Variants in INPP5A observed in about 807,000 individuals in gnomAD.
The protein encoded by INPP5A is inositol polyphosphate-5-phosphatase A, also known as 43 kDa inositol polyphosphate 5-phophatase.
Under a neutral mutation model 65.2 loss-of-function variants are expected in INPP5A, and 14 were observed. The observed-to-expected ratio is 0.21, with a 90% CI of 0.14 to 0.34. The LOEUF (loss-of-function observed/expected upper bound fraction) is 0.34, where lower values mean the gene tolerates loss of function less well. Ranked by LOEUF, INPP5A falls within the 10% of genes least tolerant of loss-of-function variation. INPP5A has a pLI of 1.00. For missense variants in INPP5A, 431 were observed against 545.6 expected, an observed-to-expected ratio of 0.79 and a Z score of 2.09; for synonymous variants, 207 against 208.3, an observed-to-expected ratio of 0.99 and a Z score of 0.05.
At position 132,651,094 on chromosome 10, in the gene INPP5A, C is replaced by T. The variant is rs538264130; in HGVS notation, c.306+589C>T. ...GTGGCCCTGGTGGACGTGGCAGCCA[C>T]AGAGATACAGGCACCAGGTGTCTGG... On this transcript the variant is annotated intron_variant, in intron 4 of 15. Coordinates refer to ENST00000368594, the MANE Select transcript of INPP5A (RefSeq NM_005539.5). This position sits in a 1 kb window ranked among gnomAD's most constrained non-coding sequence, Gnocchi z 5.0. Among the ~76,000 whole-genome samples, 171 of 152,278 alleles carry T rather than the reference C, an allele frequency of 1.1e-3. No homozygotes were observed. The highest frequency in any genetic ancestry group is 3.9e-3 in the African/African-American group (163 of 41,558).
At chr10:132,759,174 C>T (rs545788898) in intron 11 of INPP5A, among the ~76,000 whole-genome samples, 21 of 152,352 alleles carry the variant, frequency 1.4e-4, no homozygotes, top group African/African-American at 2.6e-4. Context: ...CCCGTCCACA[C>T]GCTCAGAGCC....
At chr10:132,596,848 C>A (rs1186939232) in intron 1 of INPP5A, among the ~76,000 whole-genome samples, 1 of 132,026 alleles carries the variant, frequency 7.6e-6, no homozygotes, top group Non-Finnish European at 1.7e-5. Context: ...TGTGTGCATG[C>A]GTGTGTGTGC....
chr10:132,641,169 C>T (rs1431552776), intron 2 of INPP5A, among the ~76,000 whole-genome samples: 1 of 152,098 alleles, frequency 6.6e-6, no homozygotes, highest in Admixed American at 6.5e-5. Context: ...GGACTGTGTC[C>T]CCTGTGCTTT....
chr10:132,672,944 G>A (rs1358497150), intron 4 of INPP5A, among the ~76,000 whole-genome samples: 1 of 152,188 alleles, frequency 6.6e-6, no homozygotes, highest in African/African-American at 2.4e-5. Context: ...CATTCCTGAG[G>A]GGTCTGGGTC....
At chr10:132,614,977 C>T (rs1180308468) in intron 2 of INPP5A, among the ~76,000 whole-genome samples, 4 of 152,220 alleles carry the variant, frequency 2.6e-5, no homozygotes, top group South Asian at 2.1e-4. Context: ...CCGCAGGCTG[C>T]GGTGTTTTGT....
At chr10:132,744,159 C>G (rs193222974) in intron 9 of INPP5A, among the ~76,000 whole-genome samples, 1 of 152,354 alleles carries the variant, frequency 6.6e-6, no homozygotes, top group African/African-American at 2.4e-5. Flanking sequence ...GGCTGGGAGT[C>G]GTAGCCTCAA....
At chr10:132,684,768 CAGAG>C (rs1214454968) in intron 4 of INPP5A, among the ~76,000 whole-genome samples, 2 of 152,222 alleles carry the variant, frequency 1.3e-5, no homozygotes, top group African/African-American at 4.8e-5. Flanking sequence ...GCTTTGTTCT[CAGAG>C]AGCACAGATG....
intron 1 of INPP5A, among the ~76,000 whole-genome samples, chr10:132,554,088 A>G (rs2071092052): frequency 6.6e-6 from 1 of 151,778 alleles, no homozygotes; most frequent in South Asian, 2.1e-4. Context: ...ACCTTCTCAG[A>G]GCCTTGGTGG....
In INPP5A at chr10:132,546,453, C is replaced by T. The variant is rs1458246834; in HGVS notation, c.75+8282C>T. Among the ~76,000 whole-genome samples the T allele has an allele frequency of 6.6e-6, 1 of 151,966 alleles. No homozygotes were observed. Among genetic ancestry groups the T allele is most frequent in the Non-Finnish European group, 1.5e-5 (1 of 67,982 alleles). ...GTCTCGGTGACCTTGAGCCGGTTGT[C>T]TTCTTGATCCTTCTCTCCGACAGGA... On this transcript the variant is annotated intron_variant, in intron 1 of 15. Transcript: ENST00000368594. This position sits in a 1 kb window ranked among gnomAD's most constrained non-coding sequence, Gnocchi z 5.7.
chr10:132,712,488 CTA>C (rs1025825058), intron 8 of INPP5A, among the ~76,000 whole-genome samples: 2 of 142,640 alleles, frequency 1.4e-5, no homozygotes, highest in Admixed American at 1.4e-4. Context: ...GGGTACATGT[CTA>C]TTTGGGTGTG....
At chr10:132,566,443 G>T (rs7095602) in intron 1 of INPP5A, among the ~76,000 whole-genome samples, 19 of 152,172 alleles carry the variant, frequency 1.2e-4, no homozygotes, top group African/African-American at 4.1e-4. Flanking sequence ...AAACAGCTGT[G>T]CAGTTGTCTT....
chr10:132,723,533 G>A (rs1845927387), intron 8 of INPP5A, among the ~76,000 whole-genome samples: 2 of 147,946 alleles, frequency 1.4e-5, no homozygotes, highest in Admixed American at 6.7e-5. Context: ...GGCCATGTGG[G>A]GATTGGCCGT....
chr10:132,781,820 C>A, intron 14 of INPP5A, 41 bp from the exon 15 acceptor site: 1 of 1,533,834 alleles, frequency 6.5e-7, no homozygotes, highest in Non-Finnish European at 9.0e-7. Context: ...TGTGCTGTCC[C>A]GCGTGCGCCG....
At chr10:132,692,011 A>G (rs2134488722) in intron 5 of INPP5A, among the ~76,000 whole-genome samples, 1 of 152,278 alleles carries the variant, frequency 6.6e-6, no homozygotes, top group African/African-American at 2.4e-5. Context: ...AGTGCCCCAC[A>G]CGGCAGGTGT....
chr10:132,769,012 G>A (rs1391113967), intron 12 of INPP5A, among the ~76,000 whole-genome samples: 2 of 152,344 alleles, frequency 1.3e-5, no homozygotes, highest in Admixed American at 6.5e-5. Context: ...ACCCTGAGAG[G>A]AGACAGCATT....
At chr10:132,595,552 C>CTT (rs1245858373) in intron 1 of INPP5A, among the ~76,000 whole-genome samples, 2 of 152,160 alleles carry the variant, frequency 1.3e-5, no homozygotes, top group African/African-American at 4.8e-5. Flanking sequence ...GGCTCACTGC[C>CTT]TTTCTTACCT....
chr10:132,701,392 G>A (rs887921896), intron 6 of INPP5A, among the ~76,000 whole-genome samples: 1 of 152,226 alleles, frequency 6.6e-6, no homozygotes, highest in East Asian at 1.9e-4. Flanking sequence ...GGCTCCCCAA[G>A]TGAGGGCTTC....
At chr10:132,679,924 T>A (rs79072780) in intron 4 of INPP5A, among the ~76,000 whole-genome samples, 2,233 of 152,300 alleles carry the variant, frequency 0.015, 32 homozygotes, top group South Asian at 0.039. Context: ...CGCAGAAGAA[T>A]GAAGTTGGCC....
rs114661049 is a variant in INPP5A, at chr10:132,620,595, G to A, written c.117+12639G>A. Reference sequence around the variant, plus strand: ...TTTGCTAAAGCATATCATGGGTTATGGGAATATTAATATAATTTATGCCAA... The same window carrying A: ...TTTGCTAAAGCATATCATGGGTTATAGGAATATTAATATAATTTATGCCAA... On this transcript the variant is annotated intron_variant, in intron 2 of 15. Transcript: ENST00000368594. 2.6e-3 allele frequency among the ~76,000 whole-genome samples: 397 copies of A among 152,196 alleles called. 1 individual carries two copies. Among genetic ancestry groups the A allele is most frequent in the African/African-American group, 9.1e-3 (376 of 41,518 alleles).
Sources: allele counts gnomAD v4.1 joint callset (sites outside exome capture counted in the v4.1 genomes callset), GRCh38; gene constraint gnomAD v4.1.1; non-coding constraint Gnocchi (gnomAD v3.1); transcripts MANE v1.5; gene names NCBI Gene and HGNC (gene_info 2026-07-23, HGNC 2026-07-21).